TSHB: variants seen among roughly 807,000 people sequenced by gnomAD.
The protein encoded by TSHB is thyroid stimulating hormone subunit beta, also known as thyrotropin subunit beta.
A neutral mutation model predicts 9.3 loss-of-function variants in TSHB; 9 were observed. The observed-to-expected ratio is 0.97, with a 90% CI of 0.58 to 1.69. The LOEUF is 1.69. Ranked by LOEUF, TSHB falls within the 40% of genes most tolerant of loss-of-function variation. The probability of loss-of-function intolerance (pLI) is 0.00; values close to 1 mark genes in which losing one functional copy is unlikely to be tolerated. For missense variants in TSHB, 182 were observed against 168.5 expected (o/e 1.08, Z -0.44); for synonymous variants, 57 against 57.2 (o/e 1.00, Z 0.01).
chr1:115,031,989 T>C (rs1674902760), intron 1 of TSHB, among the ~76,000 whole-genome samples: 1 of 152,044 alleles, frequency 6.6e-6, no homozygotes, highest in Non-Finnish European at 1.5e-5. Flanking sequence ...TCTTTGATAA[T>C]TGTAGGTCTT....
At position 115,033,531 on chromosome 1, in the gene TSHB, A is replaced by G; in HGVS notation, c.162+7A>G. ...TGGATATTGTATGACACGGGTATGT[A>G]GTTCATGTCACTTCTTTTGGCTGTA... On this transcript the variant is annotated splice_region_variant and intron_variant, in intron 2 of 2. Transcript: ENST00000256592. 1 of 1,611,164 alleles carries G rather than the reference A, an allele frequency of 6.2e-7. No individual in the cohort carries two copies. Among genetic ancestry groups the G allele is most frequent in the Non-Finnish European group, 8.5e-7 (1 of 1,177,394 alleles).
intron 1 of TSHB, among the ~76,000 whole-genome samples, chr1:115,031,299 CA>C (rs574440624): frequency 5.1e-4 from 78 of 151,702 alleles, no homozygotes; most frequent in African/African-American, 1.8e-3. Flanking sequence ...GGAGAAACTT[CA>C]AAAAAATATA....
chr1:115,030,498 A>G (rs1041523786), intron 1 of TSHB, among the ~76,000 whole-genome samples: 1 of 152,012 alleles, frequency 6.6e-6, no homozygotes, highest in African/African-American at 2.4e-5. Context: ...AAATTAGCAG[A>G]GCAGAGAGGA....
At chr1:115,032,915 T>C (rs1049526304) in intron 1 of TSHB, among the ~76,000 whole-genome samples, 2 of 152,042 alleles carry the variant, frequency 1.3e-5, no homozygotes, top group Non-Finnish European at 2.9e-5. Flanking sequence ...ATCCTCTATT[T>C]TCTTCCATGC....
At chr1:115,030,159 A>C (rs1453324907) in intron 1 of TSHB, among the ~76,000 whole-genome samples, 1 of 152,016 alleles carries the variant, frequency 6.6e-6, no homozygotes, top group Non-Finnish European at 1.5e-5. Flanking sequence ...TTTTGATTTA[A>C]ATATTGTTGT....
At chr1:115,031,278 C>T (rs552134501) in intron 1 of TSHB, among the ~76,000 whole-genome samples, 2 of 152,008 alleles carry the variant, frequency 1.3e-5, no homozygotes, top group South Asian at 4.1e-4. Flanking sequence ...GTTTAGAGTT[C>T]TACATTTATA....
chr1:115,033,534 T>A lies in TSHB; in HGVS notation c.162+10T>A. The stretch of plus-strand genomic sequence containing the variant: ...ATATTGTATGACACGGGTATGTAGT[T>A]CATGTCACTTCTTTTGGCTGTAAAT... On this transcript the variant is annotated intron_variant, in intron 2 of 2. Transcript: ENST00000256592. The A allele has an allele frequency of 6.2e-7, 1 of 1,610,116 alleles. No homozygotes were observed. The highest frequency in any genetic ancestry group is 2.2e-5 in the East Asian group (1 of 44,850).
chr1:115,030,282 G>A (rs536340117), intron 1 of TSHB, among the ~76,000 whole-genome samples: 1 of 152,016 alleles, frequency 6.6e-6, no homozygotes, highest in South Asian at 2.1e-4. Context: ...TACCTGCTGG[G>A]GTAATGTACT....
Position 115,033,223 on chromosome 1 carries a change from T to G in TSHB, c.-1-139T>G, listed in dbSNP as rs184627760. ...TTTTTTGGACTTTATCTTTCTGGTG[T>G]CTTCCTTGACCAAATGGTAGAATTA... On this transcript the variant is annotated intron_variant, in intron 1 of 2. Coordinates refer to ENST00000256592, the MANE Select transcript of TSHB (RefSeq NM_000549.5). 1.9e-5 allele frequency: 15 copies of G among 787,992 alleles called. No homozygotes were observed. In the Admixed American group the frequency reaches 3.8e-4, roughly 20 times the overall value. 48.8% of individuals were successfully genotyped at this position (787,992 alleles called of 1,614,324 possible). A position where few individuals can be genotyped will look rare whatever the true frequency, so the allele number is the denominator to read the frequency against.
chr1:115,032,736 T>C (rs1175486435), intron 1 of TSHB, among the ~76,000 whole-genome samples: 2 of 151,974 alleles, frequency 1.3e-5, no homozygotes, highest in Admixed American at 1.3e-4. Flanking sequence ...TCAATATCAA[T>C]ATCATATCAA....
Position 115,034,044 on chromosome 1 carries a change from C to T in TSHB, c.234C>T (p.Ile78=). The T allele has an allele frequency of 3.1e-6, 5 of 1,613,856 alleles. No individual in the cohort carries two copies. The highest frequency in any genetic ancestry group is 4.2e-6 in the Non-Finnish European group (5 of 1,179,794). ...ATGTTTGCACATATAGAGACTTCATCTACAGGACTGTAGAAATACCAGGAT... is the reference window on the plus strand; with the variant it reads ...ATGTTTGCACATATAGAGACTTCATTTACAGGACTGTAGAAATACCAGGAT... ...SQDVCTYRDF[I]YRTVEIPGCP... is the part of the protein sequence containing the mutation. The change falls in exon 3 of 3, where the codon ATC becomes ATT. Residue 78 remains isoleucine, a synonymous_variant. Coordinates refer to ENST00000256592, the MANE Select transcript of TSHB (RefSeq NM_000549.5).
At chr1:115,031,907 C>G (rs1181254767) in intron 1 of TSHB, among the ~76,000 whole-genome samples, 1 of 151,928 alleles carries the variant, frequency 6.6e-6, no homozygotes, top group Non-Finnish European at 1.5e-5. Flanking sequence ...TTATTTTAAC[C>G]TTTAAAAGTT....
chr1:115,033,448 T>C lies in TSHB; in HGVS notation c.86T>C (p.Met29Thr). Residue 29 changes from methionine (M) to threonine (T), a missense_variant, in exon 2 of 3, where the codon ATG (methionine) becomes ACG (threonine). Coordinates refer to ENST00000256592, the MANE Select transcript of TSHB (RefSeq NM_000549.5). ...TTTTGTATTCCAACTGAGTATACAA[T>C]GCACATCGAAAGGAGAGAGTGTGCT... ...MSFCIPTEYT[M>T]HIERRECAYC... The C allele has an allele frequency of 6.2e-7, 1 of 1,612,928 alleles. No individual in the cohort carries two copies. Among genetic ancestry groups the C allele is most frequent in the Admixed American group, 1.7e-5 (1 of 59,986 alleles).
intron 1 of TSHB, among the ~76,000 whole-genome samples, chr1:115,033,084 C>A (rs1329755904): frequency 1.3e-5 from 2 of 150,934 alleles, no homozygotes; most frequent in African/African-American, 4.9e-5. Flanking sequence ...TTAATTTGTC[C>A]CAGCTGTACA....
chr1:115,034,224 CTAATAGTGATATAATTTGCAAT>C lies in TSHB; in HGVS notation c.416_*20del. 6.2e-7 allele frequency: 1 copy of C among 1,613,606 alleles called. No homozygotes were observed. Among genetic ancestry groups the C allele is most frequent in the Non-Finnish European group, 8.5e-7 (1 of 1,179,644 alleles). ...AGTCTTATCTGGTAGGATTTTCTGT[CTAATAGTGATATAATTTGCAAT>C]TTGGTTAAATGTGCTTGCCTGAAAT... On this transcript the variant is annotated stop_lost and 3_prime_UTR_variant, in exon 3 of 3. Transcript: ENST00000256592.
chr1:115,032,378 G>A (rs78061492), intron 1 of TSHB, among the ~76,000 whole-genome samples: 1 of 152,118 alleles, frequency 6.6e-6, no homozygotes, highest in East Asian at 1.9e-4. Flanking sequence ...GCTTAAAGAT[G>A]CTGTTGGGAT....
chr1:115,032,330 C>G (rs573482233), intron 1 of TSHB, among the ~76,000 whole-genome samples: 1 of 151,846 alleles, frequency 6.6e-6, no homozygotes, highest in African/African-American at 2.4e-5. Context: ...AAGGCCGAAC[C>G]TATGAGGTTT....
intron 1 of TSHB, 177 bp from the exon 2 acceptor site, chr1:115,033,185 A>C (rs1427985828): frequency 5.5e-6 from 1 of 180,822 alleles, no homozygotes; most frequent in African/African-American, 2.4e-5. Context: ...ACCAGTTGTA[A>C]TTTCAGTTGA....
chr1:115,032,454 A>T (rs758636486), intron 1 of TSHB, among the ~76,000 whole-genome samples: 2 of 152,006 alleles, frequency 1.3e-5, no homozygotes, highest in African/African-American at 2.4e-5. Context: ...AGTAAATTAT[A>T]TTTTATTTAA....
Sources: gnomAD v4.1 joint callset for allele counts (sites outside exome capture counted in the v4.1 genomes callset) on GRCh38, gnomAD v4.1.1 for gene constraint, MANE v1.5 for transcripts, NCBI Gene and HGNC (gene_info 2026-07-23, HGNC 2026-07-21) for gene names.